Variants in SEZ6L2 observed in about 807,000 individuals in gnomAD.
SEZ6L2 encodes seizure related 6 homolog like 2, also known as seizure 6-like protein 2.
SEZ6L2 carries 44 observed loss-of-function variants against 97.0 expected under a neutral mutation model. The ratio of observed to expected loss-of-function variants is 0.45; its 90% CI spans 0.36 to 0.58. The LOEUF is 0.58. SEZ6L2 is among the 20% of genes least tolerant of loss of function. The pLI, the probability that SEZ6L2 is intolerant of heterozygous loss-of-function variation, is 0.00. For synonymous variants in SEZ6L2, 543 were observed against 546.1 expected (o/e 0.99, Z 0.08); for missense variants, 1,086 against 1,233.3 (o/e 0.88, Z 1.79).
At chr16:29,878,763 C>CTTTTTTTTTTTTTTTTTTTT (rs529820559) in intron 9 of SEZ6L2, among the ~76,000 whole-genome samples, 2 of 127,946 alleles carry the variant, frequency 1.6e-5, no homozygotes, top group African/African-American at 2.9e-5. Context: ...TTTCTTTTTT[C>CTTTTTTTTTTTTTTTTTTTT]TTTTTTTTTT....
rs1189979600 is a variant in SEZ6L2 at position 29,871,665 on chromosome 16, G to C, written c.*34C>G. 6.2e-7 allele frequency: 1 copy of C among 1,600,550 alleles called. No homozygotes were observed. Among genetic ancestry groups the C allele is most frequent in the East Asian group, 2.3e-5 (1 of 44,348 alleles). ...CCTCTGCCCGAATGAGGAGGGGAGG[G>C]GCGTCCTGGGTCCTGCAGCTGTAGT... On this transcript the variant is annotated 3_prime_UTR_variant, in exon 18 of 18. Transcript: ENST00000617533.
chr16:29,881,611 T>C (rs914664475), intron 8 of SEZ6L2, among the ~76,000 whole-genome samples: 3 of 148,030 alleles, frequency 2.0e-5, no homozygotes, highest in Non-Finnish European at 3.0e-5. Context: ...ATGATACCAA[T>C]GAGGAATTCT....
intron 5 of SEZ6L2, among the ~76,000 whole-genome samples, chr16:29,891,900 G>A (rs529618034): frequency 2.6e-5 from 4 of 152,230 alleles, no homozygotes; most frequent in Non-Finnish European, 5.9e-5. Context: ...GCACATAGAA[G>A]CTGCTGAGAA....
intron 12 of SEZ6L2, among the ~76,000 whole-genome samples, chr16:29,875,660 TC>T (rs767145291): frequency 1.1e-3 from 73 of 67,242 alleles, no homozygotes; most frequent in African/African-American, 3.2e-3. Flanking sequence ...TTTCTTTCTT[TC>T]TTTCTTTTTT....
At chr16:29,897,311 T>C in intron 2 of SEZ6L2, among the ~76,000 whole-genome samples, 190 bp from the exon 3 acceptor site, 1 of 119,824 alleles carries the variant, frequency 8.3e-6, no homozygotes, top group Non-Finnish European at 1.7e-5. Flanking sequence ...ACAGCCTGAG[T>C]CCCCCCTCTT....
chr16:29,899,101 C>G lies in SEZ6L2; in HGVS notation c.-82G>C. On this transcript the variant is annotated 5_prime_UTR_variant, in exon 1 of 18. Transcript: ENST00000617533. The stretch of plus-strand genomic sequence containing the variant: ...TTTCCTCCGTCTCCGTTTATCTTTC[C>G]CTTTAATTGTTTTTTTTTTTTTTTT... The G allele has an allele frequency of 1.1e-6, 1 of 899,270 alleles. No individual in the cohort carries two copies. Among genetic ancestry groups the G allele is most frequent in the Non-Finnish European group, 1.7e-6 (1 of 597,184 alleles). 55.7% of individuals were successfully genotyped at this position (899,270 alleles called of 1,614,324 possible).
intron 11 of SEZ6L2, 151 bp downstream of exon 11, chr16:29,877,120 C>CT (rs2067922247): frequency 9.4e-7 from 1 of 1,060,678 alleles, no homozygotes; most frequent in Non-Finnish European, 1.3e-6. Context: ...GCATAGCTCA[C>CT]TGCAGCCTCA....
chr16:29,898,107 C>T, intron 1 of SEZ6L2, 123 bp from the exon 2 acceptor site: 1 of 1,417,394 alleles, frequency 7.1e-7, no homozygotes, highest in Non-Finnish European at 9.5e-7. Context: ...CAGATGGTCC[C>T]AGGCTCGACT....
chr16:29,873,609 G>T lies in SEZ6L2; in HGVS notation c.2225C>A (p.Ala742Glu). 1.9e-6 allele frequency: 3 copies of T among 1,614,084 alleles called. No individual in the cohort carries two copies. The highest frequency in any genetic ancestry group is 2.5e-6 in the Non-Finnish European group (3 of 1,180,000). The change falls in exon 13 of 18, where the codon GCA becomes GAA. Residue 742 changes from alanine (A) to glutamate (E), a missense_variant. Ala to Glu is a moderately radical substitution (Grantham distance 107). Coordinates refer to ENST00000617533, the MANE Select transcript of SEZ6L2 (RefSeq NM_001243332.2). This position sits in a 1 kb window ranked among gnomAD's most constrained non-coding sequence, Gnocchi z 4.3. ...RCLPGYSLEG[A>E]AMLTCYSRDT... ...CCGGCTGTAGCAGGTGAGCATGGCT[G>T]CCCCCTCGAGGCTGTACCCTGGCAG... is the stretch of plus-strand genomic sequence containing the variant.
intron 5 of SEZ6L2, among the ~76,000 whole-genome samples, chr16:29,893,162 T>A (rs1390607334): frequency 6.6e-6 from 1 of 151,442 alleles, no homozygotes; most frequent in African/African-American, 2.4e-5. Context: ...CCGTCTCTAC[T>A]AAAAATACAA....
intron 14 of SEZ6L2, 26 bp from the exon 15 acceptor site, chr16:29,872,769 T>A (rs2067812881): frequency 7.2e-7 from 1 of 1,384,034 alleles, no homozygotes; most frequent in African/African-American, 1.4e-5. Context: ...GGGGAGGGGA[T>A]GGGGTCTGAG....
rs756267694 is a variant in SEZ6L2 at position 29,873,475 on chromosome 16, AC to A, written c.2297-45del. ...TCACGTGCCAGCTGCACTACTGTGC[AC>A]GGGGCAGACGGGCTCTCCCAGGGCT... On this transcript the variant is annotated intron_variant, in intron 13 of 17. Transcript: ENST00000617533. The surrounding 1 kb of genome is among the most constrained non-coding windows in gnomAD (Gnocchi z 4.3). 6.2e-7 allele frequency: 1 copy of A among 1,613,944 alleles called. No individual in the cohort carries two copies. The highest frequency in any genetic ancestry group is 8.5e-7 in the Non-Finnish European group (1 of 1,179,904).
intron 12 of SEZ6L2, among the ~76,000 whole-genome samples, chr16:29,875,133 C>T (rs578230079): frequency 6.6e-6 from 1 of 152,302 alleles, no homozygotes; most frequent in Admixed American, 6.5e-5. Context: ...CCTTGGCCTT[C>T]CAAAGCACTG....
chr16:29,897,168 G>C (rs1596995461), intron 2 of SEZ6L2, 47 bp from the exon 3 acceptor site: 1 of 1,441,520 alleles, frequency 6.9e-7, no homozygotes, highest in Non-Finnish European at 9.2e-7. Flanking sequence ...GCACATGGAG[G>C]ACCTTGGGTG....
intron 3 of SEZ6L2, among the ~76,000 whole-genome samples, 170 bp from the exon 4 acceptor site, chr16:29,896,030 A>G (rs971873785): frequency 2.6e-5 from 4 of 152,054 alleles, no homozygotes; most frequent in Non-Finnish European, 5.9e-5. Context: ...TGGTGCAATC[A>G]TGGCTCACTG....
At chr16:29,898,106 C>T (rs1302205327) in intron 1 of SEZ6L2, 122 bp from the exon 2 acceptor site, 29 of 1,419,988 alleles carry the variant, frequency 2.0e-5, no homozygotes, top group Non-Finnish European at 2.8e-5. Context: ...TCAGATGGTC[C>T]CAGGCTCGAC....
At chr16:29,890,638 C>T (rs2068251151) in intron 5 of SEZ6L2, among the ~76,000 whole-genome samples, 1 of 152,030 alleles carries the variant, frequency 6.6e-6, no homozygotes, top group Non-Finnish European at 1.5e-5. Flanking sequence ...TATGTACCAC[C>T]TCTTCCAGGA....
chr16:29,898,456 C>CCT (rs553466521), intron 1 of SEZ6L2, among the ~76,000 whole-genome samples: 2 of 151,190 alleles, frequency 1.3e-5, no homozygotes, highest in East Asian at 1.9e-4. Flanking sequence ...TCCCCCCCAC[C>CCT]CTCTCTCTCT....
chr16:29,893,675 TCTGCCTGTCACAC>T (rs1473848373), intron 5 of SEZ6L2, among the ~76,000 whole-genome samples: 29 of 151,402 alleles, frequency 1.9e-4, no homozygotes, highest in African/African-American at 6.8e-4. Context: ...AATTCAAATA[TCTGCCTGTCACAC>T]CTGCAGGTTG....
Sources: allele counts gnomAD v4.1 joint callset (sites outside exome capture counted in the v4.1 genomes callset), GRCh38; gene constraint gnomAD v4.1.1; non-coding constraint Gnocchi (gnomAD v3.1); transcripts MANE v1.5; gene names NCBI Gene and HGNC (gene_info 2026-07-23, HGNC 2026-07-21).